Variants in SMARCA4 observed in about 807,000 individuals in gnomAD.
The protein encoded by SMARCA4 is SWI/SNF-related matrix-associated actin-dependent regulator of chromatin subfamily A member 4.
A neutral mutation model predicts 193.9 loss-of-function variants in SMARCA4; 31 were observed. The observed-to-expected ratio is 0.16, with a 90% CI of 0.12 to 0.22. The LOEUF is 0.22. SMARCA4 is among the 10% of genes least tolerant of loss of function. SMARCA4 has a pLI of 1.00. For missense variants in SMARCA4, 1,148 were observed against 2,296.0 expected, an observed-to-expected ratio of 0.50 and a Z score of 10.22; for synonymous variants, 942 against 933.1, an observed-to-expected ratio of 1.01 and a Z score of -0.17.
At chr19:10,963,851 G>C (rs1268444690) in intron 1 of SMARCA4, among the ~76,000 whole-genome samples, 1 of 151,674 alleles carries the variant, frequency 6.6e-6, no homozygotes, top group South Asian at 2.1e-4. Flanking sequence ...CTCCTTGAGA[G>C]GCTGGGGCAG....
At chr19:11,050,303 C>T (rs1022365866) in intron 30 of SMARCA4, among the ~76,000 whole-genome samples, 3 of 152,240 alleles carry the variant, frequency 2.0e-5, no homozygotes, top group African/African-American at 7.2e-5. Context: ...CCTCTGGGTT[C>T]CATTCCCACT....
chr19:10,975,558 C>T (rs1362855759), intron 1 of SMARCA4, among the ~76,000 whole-genome samples: 3 of 151,436 alleles, frequency 2.0e-5, no homozygotes, highest in Non-Finnish European at 4.4e-5. Context: ...ATCCGCCCAC[C>T]TTGGCCTCGC....
In SMARCA4 at chr19:11,034,043, ACGC is replaced by A; in HGVS notation, c.3874-73_3874-71del. ...CGGGACCACCAGCTCATTCCCACGG[ACGC>A]CGCCGCTCGCCTCTGAGCTCGGCCG... On this transcript the variant is annotated intron_variant, in intron 27 of 34. Coordinates refer to ENST00000344626, the MANE Select transcript of SMARCA4 (RefSeq NM_003072.5). The surrounding 1 kb of genome is among the most constrained non-coding windows in gnomAD (Gnocchi z 7.0). 1 of 1,079,956 alleles carries A rather than the reference ACGC, an allele frequency of 9.3e-7. No homozygotes were observed. Among genetic ancestry groups the A allele is most frequent in the Non-Finnish European group, 1.4e-6 (1 of 696,144 alleles). The allele number at this position is 1,079,956 out of a possible 1,614,324, so 66.9% of individuals were successfully genotyped here.
rs761307221 is a variant in SMARCA4, at chr19:11,023,499, C to T, written c.2860-19C>T. The stretch of plus-strand genomic sequence containing the variant: ...CCTTTGGAGGTAACGCTTGCTTCTC[C>T]TGTCTTGGGGGCTTCCAGGTGGACC... On this transcript the variant is annotated intron_variant, in intron 19 of 34. Transcript: ENST00000344626. The T allele has an allele frequency of 2.6e-6, 4 of 1,517,946 alleles. No homozygotes were observed. The highest frequency in any genetic ancestry group is 1.4e-5 in the African/African-American group (1 of 73,254). The allele number at this position is 1,517,946 out of a possible 1,614,324, so 94.0% of individuals were successfully genotyped here. A position where few individuals can be genotyped will look rare whatever the true frequency, so the allele number is the denominator to read the frequency against.
At chr19:11,061,617 C>T (rs1338822378) in intron 34 of SMARCA4, 167 bp from the exon 35 acceptor site, 1 of 704,994 alleles carries the variant, frequency 1.4e-6, no homozygotes, top group Non-Finnish European at 2.6e-6. Flanking sequence ...ACCTCGTGAT[C>T]CGCCCGCCTT....
chr19:11,019,564 G>T lies in SMARCA4; in HGVS notation c.2506-27G>T, dbSNP rs539641327. On this transcript the variant is annotated intron_variant, in intron 17 of 34. Coordinates refer to ENST00000344626, the MANE Select transcript of SMARCA4 (RefSeq NM_003072.5). The surrounding 1 kb of genome is among the most constrained non-coding windows in gnomAD (Gnocchi z 6.1). ...ACCTGGCCACCCGGCTCCAAAAGCC[G>T]AGCTGTGCATCCTGCTTCCCTTGCA... is the stretch of plus-strand genomic sequence containing the variant. 13 of 1,536,208 alleles carry T rather than the reference G, an allele frequency of 8.5e-6. No homozygotes were observed. Among genetic ancestry groups the T allele is most frequent in the Non-Finnish European group, 1.2e-5 (13 of 1,118,156 alleles).
In SMARCA4 at chr19:11,013,078, A is replaced by G. The variant is rs1454445195; in HGVS notation, c.2404A>G (p.Ile802Val). ...LITYLMEHKR[I>V]NGPFLIIVPL... The stretch of plus-strand genomic sequence containing the variant: ...CACGTACCTCATGGAGCACAAACGC[A>G]TCAATGGGCCCTTCCTCATCATCGT... The change falls in exon 16 of 35, where the codon ATC becomes GTC. Residue 802 changes from isoleucine (I) to valine (V), a missense_variant. Ile to Val is a conservative substitution (Grantham distance 29). Transcript: ENST00000344626. 1 of 1,614,060 alleles carries G rather than the reference A, an allele frequency of 6.2e-7. No homozygotes were observed. Among genetic ancestry groups the G allele is most frequent in the Non-Finnish European group, 8.5e-7 (1 of 1,180,030 alleles).
rs1436279146 is a variant in SMARCA4 at position 10,991,167 on chromosome 19, G to A, written c.1263G>A (p.Val421=). 1.9e-6 allele frequency: 3 copies of A among 1,613,794 alleles called. No homozygotes were observed. The highest frequency in any genetic ancestry group is 1.1e-5 in the South Asian group (1 of 91,056). The change falls in exon 8 of 35, where the codon GTG becomes GTA. Residue 421 remains valine, a synonymous_variant. Transcript: ENST00000344626. ...TCCTACAGCTGCGCCAGGAGGTGGT[G>A]GTGTGCATGCGGAGGGACACAGCGC... The part of the protein sequence containing the change: ...NFQRQLRQEV[V]VCMRRDTALE...
At chr19:11,035,315 G>T (rs1190775029) in intron 29 of SMARCA4, among the ~76,000 whole-genome samples, 183 bp downstream of exon 29, 1 of 152,244 alleles carries the variant, frequency 6.6e-6, no homozygotes, top group African/African-American at 2.4e-5. Flanking sequence ...GGTCCTTTTG[G>T]CTCTGCCTTG....
At chr19:10,969,149 C>G (rs1364097600) in intron 1 of SMARCA4, among the ~76,000 whole-genome samples, 1 of 152,236 alleles carries the variant, frequency 6.6e-6, no homozygotes, top group Non-Finnish European at 1.5e-5. Flanking sequence ...TCTCCCTGGC[C>G]TCCACCCTCT....
chr19:11,041,681 CACTG>C lies in SMARCA4; in HGVS notation c.4424+127_4424+130del. ...GCTCACTCTTTCACTCATCCACAAA[CACTG>C]ACTGAATCTCTGTGTCTTTGAGCCT... On this transcript the variant is annotated intron_variant, in intron 30 of 34. Transcript: ENST00000344626. This position sits in a 1 kb window ranked among gnomAD's most constrained non-coding sequence, Gnocchi z 5.6. The C allele has an allele frequency of 1.2e-6, 1 of 822,194 alleles. No individual in the cohort carries two copies. Among genetic ancestry groups the C allele is most frequent in the South Asian group, 1.7e-5 (1 of 59,176 alleles). The allele number at this position is 822,194 out of a possible 1,614,324, so 50.9% of individuals were successfully genotyped here.
chr19:10,996,057 C>T, intron 9 of SMARCA4, 156 bp from the exon 10 acceptor site: 1 of 799,344 alleles, frequency 1.3e-6, no homozygotes, highest in Non-Finnish European at 2.2e-6. Context: ...GGAAATGATT[C>T]CTGAATGAGG....
At chr19:11,013,304 G>T (rs1735755016) in intron 16 of SMARCA4, among the ~76,000 whole-genome samples, 192 bp downstream of exon 16, 1 of 152,188 alleles carries the variant, frequency 6.6e-6, no homozygotes, top group Non-Finnish European at 1.5e-5. Flanking sequence ...TGCTTGCAGG[G>T]ATACGTGCTT....
At chr19:11,021,637 T>G in intron 18 of SMARCA4, 88 bp from the exon 19 acceptor site, 5 of 1,507,032 alleles carry the variant, frequency 3.3e-6, no homozygotes, top group Non-Finnish European at 4.5e-6. Flanking sequence ...GGAGCCTTCC[T>G]GGCTGCTGGG....
Position 11,003,217 on chromosome 19 carries a change from T to C in SMARCA4, c.1943+58T>C, listed in dbSNP as rs2146102486. 3.1e-6 allele frequency: 5 copies of C among 1,612,524 alleles called. No individual in the cohort carries two copies. The East Asian group carries it at 8.9e-5, about 29-fold the overall frequency. On this transcript the variant is annotated intron_variant, in intron 12 of 34. Coordinates refer to ENST00000344626, the MANE Select transcript of SMARCA4 (RefSeq NM_003072.5). ...GGATCCAAGTCCTCGGTGGGCCTTGTTCCAGGGAGGTGGCAGCCAGGAGCA... is the reference window on the plus strand; with the variant it reads ...GGATCCAAGTCCTCGGTGGGCCTTGCTCCAGGGAGGTGGCAGCCAGGAGCA...
At chr19:11,032,749 C>T (rs1250899918) in intron 25 of SMARCA4, 1 of 200,902 alleles carries the variant, frequency 5.0e-6, no homozygotes, top group Non-Finnish European at 1.0e-5. Flanking sequence ...GGCCACACTC[C>T]TGGTGCTTAT....
At chr19:10,999,638 A>G (rs1301998532) in intron 11 of SMARCA4, among the ~76,000 whole-genome samples, 1 of 152,134 alleles carries the variant, frequency 6.6e-6, no homozygotes, top group African/African-American at 2.4e-5. Flanking sequence ...AGCCTGGTCA[A>G]GACAGTGAGA....
Position 11,062,233 on chromosome 19 carries a change from C to T in SMARCA4, c.*417C>T. 3.5e-6 allele frequency: 1 copy of T among 288,024 alleles called. No individual in the cohort carries two copies. Among genetic ancestry groups the T allele is most frequent in the Non-Finnish European group, 6.6e-6 (1 of 151,174 alleles). 17.8% of individuals were successfully genotyped at this position (288,024 alleles called of 1,614,324 possible). On this transcript the variant is annotated 3_prime_UTR_variant, in exon 35 of 35. Transcript: ENST00000344626. ...GGGCCCGGCGAGGGTATGTCAGTGT[C>T]ACTGGATGTCAAACAGTAATAAATT...
At position 10,984,060 on chromosome 19, in the gene SMARCA4, C is replaced by T; in HGVS notation, c.-31-61C>T. Reference sequence around the variant, plus strand: ...GATGTGACCGTATGATTGTCCCTTGCTATCCCTGTCCTGCCTCGCCCTTGG... The same window carrying T: ...GATGTGACCGTATGATTGTCCCTTGTTATCCCTGTCCTGCCTCGCCCTTGG... On this transcript the variant is annotated intron_variant, in intron 1 of 34. Transcript: ENST00000344626. The surrounding 1 kb of genome is among the most constrained non-coding windows in gnomAD (Gnocchi z 4.3). 1 of 1,321,648 alleles carries T rather than the reference C, an allele frequency of 7.6e-7. No homozygotes were observed. The highest frequency in any genetic ancestry group is 1.1e-6 in the Non-Finnish European group (1 of 921,538). The allele number at this position is 1,321,648 out of a possible 1,614,324, so 81.9% of individuals were successfully genotyped here. A position where few individuals can be genotyped will look rare whatever the true frequency, so the allele number is the denominator to read the frequency against.
Sources: gnomAD v4.1 joint callset for allele counts (sites outside exome capture counted in the v4.1 genomes callset) on GRCh38, gnomAD v4.1.1 for gene constraint, Gnocchi (gnomAD v3.1) non-coding constraint, MANE v1.5 for transcripts, NCBI Gene and HGNC (gene_info 2026-07-23, HGNC 2026-07-21) for gene names.